CDON: variants seen among roughly 807,000 people sequenced by gnomAD.
CDON encodes the protein cell adhesion molecule-related/down-regulated by oncogenes.
Under a neutral mutation model 120.9 loss-of-function variants are expected in CDON, and 73 were observed. The ratio of observed to expected loss-of-function variants is 0.60; its 90% CI spans 0.50 to 0.73. CDON has a LOEUF of 0.73. CDON is among the 30% of genes least tolerant of loss of function. The pLI is 0.00. For missense variants in CDON, 1,470 were observed against 1,587.3 expected (o/e 0.93, Z 1.26); for synonymous variants, 566 against 573.5 (o/e 0.99, Z 0.19).
rs1244762152 is a variant in CDON, at chr11:125,983,992, C to A, written c.2875G>T (p.Ala959Ser). 1 of 1,614,116 alleles carries A rather than the reference C, an allele frequency of 6.2e-7. No individual in the cohort carries two copies. The highest frequency in any genetic ancestry group is 1.3e-5 in the African/African-American group (1 of 75,038). ...GGNVGPATSP[A>S]RSSDMLYLIV... is the part of the protein sequence containing the mutation. ...AGATATAACATGTCACTGCTTCTGG[C>A]AGGGCTGGTTGCAGGCCCCACATTT... The change falls in exon 16 of 20, where the codon GCC (alanine) becomes TCC (serine). Residue 959 changes from alanine (A) to serine (S), a missense_variant. Transcript: ENST00000531738.
intron 1 of CDON, among the ~76,000 whole-genome samples, chr11:126,050,578 TA>T (rs1948533642): frequency 6.6e-6 from 1 of 151,134 alleles, no homozygotes; most frequent in Non-Finnish European, 1.5e-5. Flanking sequence ...AAGGGCTCTA[TA>T]AAAGTTATTT....
In CDON at chr11:125,958,565, A is replaced by ATATATATATG. The variant is rs371911236; in HGVS notation, c.*2376_*2377insCATATATATA. On this transcript the variant is annotated 3_prime_UTR_variant, in exon 20 of 20. Coordinates refer to ENST00000531738, the MANE Select transcript of CDON (RefSeq NM_001378964.1). ...AAGGCAATTATATATATATATATAT[A>ATATATATATG]TGTGTGTGTGTGTGTGTGTGTGTGT... is the stretch of plus-strand genomic sequence containing the variant. The ATATATATATG allele has an allele frequency of 1.6e-4, 21 of 130,084 alleles. No homozygotes were observed. Among genetic ancestry groups the ATATATATATG allele is most frequent in the Non-Finnish European group, 3.0e-4 (19 of 62,376 alleles). The allele number at this position is 130,084 out of a possible 1,614,324, so 8.1% of individuals were successfully genotyped here.
rs1591444612 is a variant in CDON at position 126,060,949 on chromosome 11, G to A, written c.-62+1630C>T. 2.6e-5 allele frequency among the ~76,000 whole-genome samples: 4 copies of A among 152,340 alleles called. No individual in the cohort carries two copies. In the Middle Eastern group the frequency reaches 0.014, roughly 518 times the overall value. Reference sequence around the variant, plus strand: ...TGTACTTGAAGGCTTGAGAGTCAGAGCTGTTTAAGTACTTTGCACAGAAGA... The same window carrying A: ...TGTACTTGAAGGCTTGAGAGTCAGAACTGTTTAAGTACTTTGCACAGAAGA... On this transcript the variant is annotated intron_variant, in intron 1 of 19. Transcript: ENST00000531738.
At chr11:125,983,178 ACT>A (rs1256132417) in intron 16 of CDON, among the ~76,000 whole-genome samples, 1 of 152,068 alleles carries the variant, frequency 6.6e-6, no homozygotes, top group African/African-American at 2.4e-5. Flanking sequence ...CAAAGACTAA[ACT>A]CTCTGCTTGA....
Position 126,004,015 on chromosome 11 carries a change from T to C in CDON, c.1913A>G (p.Asn638Ser), listed in dbSNP as rs750215136. The change falls in exon 10 of 20, where the codon AAT (asparagine) becomes AGT (serine). Residue 638 changes from asparagine to serine, a missense_variant. Transcript: ENST00000531738. ...CTCCAGCTCAGCTAAATGGAGCTCA[T>C]TTTCACTTCCTGGGACTCGAACCGT... ...WHTVRVPGSE[N>S]ELHLAELEPS... is the part of the protein sequence containing the mutation. 6.2e-7 allele frequency: 1 copy of C among 1,613,924 alleles called. No homozygotes were observed.
In CDON at chr11:125,957,157, T is replaced by C. The variant is rs1191331334; in HGVS notation, c.*3785A>G. On this transcript the variant is annotated 3_prime_UTR_variant, in exon 20 of 20. Coordinates refer to ENST00000531738, the MANE Select transcript of CDON (RefSeq NM_001378964.1). Reference sequence around the variant, plus strand: ...CTCCCAAGCTCCTCTCCTACCCACCTCCCTTCCCTCCAAGGAAACGCAAAG... The same window carrying C: ...CTCCCAAGCTCCTCTCCTACCCACCCCCCTTCCCTCCAAGGAAACGCAAAG... 6.6e-6 allele frequency: 1 copy of C among 152,244 alleles called. No individual in the cohort carries two copies. The highest frequency in any genetic ancestry group is 2.4e-5 in the African/African-American group (1 of 41,396). 9.4% of individuals were successfully genotyped at this position (152,244 alleles called of 1,614,324 possible). A position where few individuals can be genotyped will look rare whatever the true frequency, so the allele number is the denominator to read the frequency against.
chr11:126,030,777 T>C (rs1947922925), intron 1 of CDON, among the ~76,000 whole-genome samples: 2 of 152,206 alleles, frequency 1.3e-5, no homozygotes, highest in South Asian at 2.1e-4. Flanking sequence ...ATATAGTATA[T>C]ACTGTTTTTT....
chr11:126,013,153 G>A (rs553595449), intron 7 of CDON, among the ~76,000 whole-genome samples: 20 of 152,304 alleles, frequency 1.3e-4, no homozygotes, highest in Non-Finnish European at 2.5e-4. Flanking sequence ...TAGGGTGAAT[G>A]ACACTCTACA....
At chr11:125,997,518 C>T in intron 11 of CDON, 108 bp from the exon 12 acceptor site, 1 of 895,350 alleles carries the variant, frequency 1.1e-6, no homozygotes, top group African/African-American at 1.7e-5. Context: ...AGGTTCTTCA[C>T]CAAACTTTTT....
intron 9 of CDON, chr11:126,005,558 T>TG (rs1271890175): frequency 3.5e-5 from 21 of 605,732 alleles, no homozygotes; most frequent in Non-Finnish European, 5.6e-5. Context: ...AATTCCAATT[T>TG]GGGGGGAAAT....
intron 7 of CDON, 21 bp from the exon 8 acceptor site, chr11:126,010,715 A>G (rs1947277543): frequency 2.5e-6 from 4 of 1,593,494 alleles, no homozygotes; most frequent in African/African-American, 1.3e-5. Flanking sequence ...AGTAATTCAC[A>G]TATGAAAAAT....
At position 125,997,250 on chromosome 11, in the gene CDON, G is replaced by A. The variant is rs1240997312; in HGVS notation, c.2319C>T (p.Ile773=). Reference sequence around the variant, plus strand: ...CTTCCACTGAAAGTTTGGAAGGAGGGATGTCTTCAGCTGCCACCAGCCAAT... The same window carrying A: ...CTTCCACTGAAAGTTTGGAAGGAGGAATGTCTTCAGCTGCCACCAGCCAAT... ...TSNWLVAAED[I]PPSKLSVEVR... Residue 773 remains isoleucine, a synonymous_variant, in exon 12 of 20, where the codon ATC becomes ATT. Transcript: ENST00000531738. 2 of 1,613,958 alleles carry A rather than the reference G, an allele frequency of 1.2e-6. No homozygotes were observed. Among genetic ancestry groups the A allele is most frequent in the Admixed American group, 1.7e-5 (1 of 60,002 alleles).
Position 125,960,888 on chromosome 11 carries a change from G to A in CDON, c.*54C>T. ...CTTCACACAGTTCGCTCCCAGGCCT[G>A]TTGTGTGCAGTTACCGGCTTGAAGT... On this transcript the variant is annotated 3_prime_UTR_variant, in exon 20 of 20. Coordinates refer to ENST00000531738, the MANE Select transcript of CDON (RefSeq NM_001378964.1). 1 of 1,544,150 alleles carries A rather than the reference G, an allele frequency of 6.5e-7. No homozygotes were observed. The highest frequency in any genetic ancestry group is 1.1e-5 in the South Asian group (1 of 89,672).
At chr11:126,013,406 T>C (rs1182949984) in intron 7 of CDON, among the ~76,000 whole-genome samples, 1 of 152,204 alleles carries the variant, frequency 6.6e-6, no homozygotes, top group Non-Finnish European at 1.5e-5. Context: ...ACTTCGAAGT[T>C]TGGTAGAACC....
At chr11:126,055,279 G>A (rs1343717115) in intron 1 of CDON, among the ~76,000 whole-genome samples, 1 of 152,148 alleles carries the variant, frequency 6.6e-6, no homozygotes, top group Admixed American at 6.5e-5. Flanking sequence ...GGAGGGGTAA[G>A]GTAATGGTAA....
At chr11:125,962,858 CCTTCCTTT>C (rs1336024513) in intron 18 of CDON, among the ~76,000 whole-genome samples, 1 of 152,126 alleles carries the variant, frequency 6.6e-6, no homozygotes, top group African/African-American at 2.4e-5. Context: ...TATGTGTATA[CCTTCCTTT>C]AAATCCTTGA....
At position 126,020,232 on chromosome 11, in the gene CDON, T is replaced by C. The variant is rs75830934; in HGVS notation, c.350-467A>G. 3.0e-3 allele frequency among the ~76,000 whole-genome samples: 461 copies of C among 152,184 alleles called. 4 individuals are homozygous for C. Among genetic ancestry groups the C allele is most frequent in the African/African-American group, 0.01 (423 of 41,522 alleles). ...ATTATTCCCATTCAGTCAAGATAAATCCTTTTCAATCCAGTGCCCCATCAA... is the reference window on the plus strand; with the variant it reads ...ATTATTCCCATTCAGTCAAGATAAACCCTTTTCAATCCAGTGCCCCATCAA... On this transcript the variant is annotated intron_variant, in intron 3 of 19. Transcript: ENST00000531738.
intron 1 of CDON, among the ~76,000 whole-genome samples, chr11:126,050,765 G>A (rs1179268678): frequency 6.6e-6 from 1 of 152,024 alleles, no homozygotes; most frequent in East Asian, 1.9e-4. Context: ...CACAGCCTGG[G>A]TCAGGACTTT....
chr11:125,977,679 T>C (rs946610350), intron 18 of CDON, among the ~76,000 whole-genome samples: 5 of 152,170 alleles, frequency 3.3e-5, no homozygotes, highest in East Asian at 1.9e-4. Context: ...AGAGAGGTCG[T>C]AGGAAAGTGT....
Sources: allele counts gnomAD v4.1 joint callset (sites outside exome capture counted in the v4.1 genomes callset), GRCh38; gene constraint gnomAD v4.1.1; transcripts MANE v1.5; gene names NCBI Gene and HGNC (gene_info 2026-07-23, HGNC 2026-07-21).